ARL10: variants seen among roughly 807,000 people sequenced by gnomAD.
ARL10 encodes ADP-ribosylation factor-like protein 10.
ARL10 carries 23 observed loss-of-function variants against 26.1 expected under a neutral mutation model. The ratio of observed to expected loss-of-function variants is 0.88; its 90% CI spans 0.63 to 1.25. The LOEUF is 1.25. Among genes scored for constraint, ARL10 ranks in the 50% most tolerant of loss-of-function variants. The pLI is 0.00. For synonymous variants in ARL10, 138 were observed against 149.1 expected (o/e 0.93, Z 0.54); for missense variants, 300 against 323.6 (o/e 0.93, Z 0.56).
chr5:176,389,195 C>T (rs1581415236), downstream of ARL10: 3 of 1,161,658 alleles, frequency 2.6e-6, no homozygotes, highest in Admixed American at 2.2e-5. Flanking sequence ...CTAGGAAGAC[C>T]TCGACTCGAC....
At position 176,369,337 on chromosome 5, in the gene ARL10, AT is replaced by A. The variant is rs201183331; in HGVS notation, c.561+357del. The A allele has an allele frequency of 3.7e-3, 2,420 of 654,028 alleles. 39 individuals are homozygous for A. In the African/African-American group the frequency reaches 0.043, roughly 12 times the overall value. 40.5% of individuals were successfully genotyped at this position (654,028 alleles called of 1,614,324 possible). A position where few individuals can be genotyped will look rare whatever the true frequency, so the allele number is the denominator to read the frequency against. On this transcript the variant is annotated intron_variant, in intron 3 of 3. Coordinates refer to ENST00000310389, the MANE Select transcript of ARL10 (RefSeq NM_173664.6). The stretch of plus-strand genomic sequence containing the variant: ...AACCTCCACCTCCCGGGTTCAAGCA[AT>A]TCTTGTGCCTCAGCCTTCCGAGTAG...
downstream of ARL10, chr5:176,388,727 G>A: frequency 1.3e-6 from 2 of 1,530,068 alleles, no homozygotes; most frequent in Non-Finnish European, 1.8e-6. Flanking sequence ...CTGCGTACAA[G>A]GCTCAATTTA....
downstream of ARL10, among the ~76,000 whole-genome samples, chr5:176,393,317 C>T (rs13167710): frequency 0.095 from 14,500 of 152,114 alleles, 808 homozygotes; most frequent in African/African-American, 0.14. The surrounding 1 kb of genome is among the most constrained non-coding windows in gnomAD (Gnocchi z 4.4). Flanking sequence ...CCTAAAGACC[C>T]TTGGAGGTCC....
intron 2 of ARL10, among the ~76,000 whole-genome samples, chr5:176,366,817 G>A (rs1032941452): frequency 6.6e-6 from 1 of 152,052 alleles, no homozygotes; most frequent in Non-Finnish European, 1.5e-5. Context: ...TACCAAAGTC[G>A]ATAGGCCTAA....
At chr5:176,383,882 G>C (rs1314408885), downstream of ARL10, 1 of 1,233,988 alleles carries the variant, frequency 8.1e-7, no homozygotes, top group Non-Finnish European at 1.1e-6. Context: ...CGGTAGAGGT[G>C]GTTTTCACCG....
downstream of ARL10, chr5:176,384,573 G>T: frequency 1.7e-6 from 1 of 594,310 alleles, no homozygotes; most frequent in South Asian, 2.2e-5. Flanking sequence ...GATCTCTTGA[G>T]CCCAGGAGTT....
intron 1 of ARL10, 80 bp downstream of exon 1, chr5:176,365,826 C>T: frequency 8.2e-7 from 1 of 1,215,356 alleles, no homozygotes; most frequent in Non-Finnish European, 1.0e-6. Flanking sequence ...GGTGTGACCA[C>T]GGAACGGCCC....
intron 2 of ARL10, 51 bp downstream of exon 2, chr5:176,366,632 T>C (rs1235361657): frequency 5.0e-6 from 8 of 1,594,186 alleles, no homozygotes; most frequent in Non-Finnish European, 6.9e-6. Flanking sequence ...GGACCAGTCC[T>C]GGATTCTCTG....
chr5:176,389,561 C>A, downstream of ARL10: 2 of 1,511,520 alleles, frequency 1.3e-6, no homozygotes, highest in Non-Finnish European at 1.8e-6. Flanking sequence ...CAACCACTGG[C>A]CCTACCGTGG....
intron 1 of ARL10, chr5:176,396,594 C>G: frequency 8.3e-7 from 1 of 1,198,888 alleles, no homozygotes; most frequent in Non-Finnish European, 1.2e-6. Context: ...GACAGACAGG[C>G]AGGCAGAAGG....
chr5:176,388,979 T>G (rs1756136355), downstream of ARL10: 1 of 1,613,472 alleles, frequency 6.2e-7, no homozygotes, highest in Non-Finnish European at 8.5e-7. Context: ...CATAGGTAAG[T>G]GGGTGCGGTA....
chr5:176,388,093 G>T, intron 1 of ARL10: 1 of 632,888 alleles, frequency 1.6e-6, no homozygotes, highest in Non-Finnish European at 2.8e-6. Flanking sequence ...CTCAACGTCA[G>T]TTGAGCGTTC....
downstream of ARL10, chr5:176,392,530 A>G: frequency 1.9e-6 from 1 of 514,134 alleles, no homozygotes; most frequent in Non-Finnish European, 3.5e-6. This position sits in a 1 kb window ranked among gnomAD's most constrained non-coding sequence, Gnocchi z 5.2. Flanking sequence ...GCCAAGAAAA[A>G]AAATACATCA....
intron 1 of ARL10, among the ~76,000 whole-genome samples, chr5:176,401,444 G>A (rs988114873): frequency 2.0e-5 from 3 of 152,214 alleles, no homozygotes; most frequent in East Asian, 1.9e-4. Flanking sequence ...GCCAGCCCAT[G>A]TGGGTGTTTT....
chr5:176,384,668 G>C, downstream of ARL10: 1 of 436,590 alleles, frequency 2.3e-6, no homozygotes, highest in Non-Finnish European at 4.1e-6. Context: ...TACTTGGGAG[G>C]CCGAGGCAGG....
chr5:176,372,206 C>G lies in ARL10; in HGVS notation c.*311C>G. 1 of 626,696 alleles carries G rather than the reference C, an allele frequency of 1.6e-6. No homozygotes were observed. The allele number at this position is 626,696 out of a possible 1,614,324, so 38.8% of individuals were successfully genotyped here. ...TGTACAGTGAGATGCTCAGTGGGCT[C>G]AATCCTCCACTACAGGTCCCGGTAC... On this transcript the variant is annotated 3_prime_UTR_variant, in exon 4 of 4. Transcript: ENST00000310389.
the ARL10 span, among the ~76,000 whole-genome samples, chr5:176,414,610 T>C: frequency 6.6e-6 from 1 of 152,062 alleles, no homozygotes; most frequent in Non-Finnish European, 1.5e-5. Flanking sequence ...GCCTGGCTAA[T>C]TTTTGTATGT....
downstream of ARL10, among the ~76,000 whole-genome samples, chr5:176,402,896 C>A (rs1314742653): frequency 1.3e-5 from 2 of 152,136 alleles, no homozygotes; most frequent in Admixed American, 1.3e-4. Flanking sequence ...CAAGAGCCAG[C>A]ACGTGTAAGA....
At chr5:176,393,346 G>T (rs1756343376), downstream of ARL10, among the ~76,000 whole-genome samples, 1 of 152,172 alleles carries the variant, frequency 6.6e-6, no homozygotes, top group African/African-American at 2.4e-5. The surrounding 1 kb of genome is among the most constrained non-coding windows in gnomAD (Gnocchi z 4.4). Flanking sequence ...CCTAATGCAG[G>T]ACCTTAGCTA....
Sources: allele counts gnomAD v4.1 joint callset (sites outside exome capture counted in the v4.1 genomes callset), GRCh38; gene constraint gnomAD v4.1.1; non-coding constraint Gnocchi (gnomAD v3.1); transcripts MANE v1.5; gene names NCBI Gene and HGNC (gene_info 2026-07-23, HGNC 2026-07-21).